NFAT5: variants seen among roughly 807,000 people sequenced by gnomAD.
NFAT5 encodes nuclear factor of activated T cells 5.
In NFAT5, 31 loss-of-function variants were observed where a neutral mutation model predicts 166.5. The ratio of observed to expected loss-of-function variants is 0.19; its 90% confidence interval spans 0.14 to 0.25. NFAT5 has a LOEUF of 0.25. Among genes scored for constraint, NFAT5 ranks in the 10% least tolerant of loss-of-function variants. NFAT5 has a pLI of 1.00. For synonymous variants in NFAT5, 612 were observed against 639.7 expected, an observed-to-expected ratio of 0.96 and a Z score of 0.65; for missense variants, 1,449 against 1,821.8, an observed-to-expected ratio of 0.80 and a Z score of 3.72.
At position 69,693,915 on chromosome 16, in the gene NFAT5, T is replaced by A. The variant is rs1374961274; in HGVS notation, c.4090T>A (p.Ser1364Thr). The A allele has an allele frequency of 6.2e-7, 1 of 1,614,104 alleles. No homozygotes were observed. The highest frequency in any genetic ancestry group is 1.3e-5 in the African/African-American group (1 of 74,938). ...LQNPGPTQSE[S>T]SQTPLFHSSP... ...GAACCCAGGTCCTACCCAGTCGGAA[T>A]CATCACAGACCCCCTTGTTCCATAG... Residue 1364 changes from serine (S) to threonine (T), a missense_variant, in exon 13 of 15, where the codon TCA becomes ACA. Coordinates refer to ENST00000349945, the MANE Select transcript of NFAT5 (RefSeq NM_138713.4).
rs755340650 is a variant in NFAT5, at chr16:69,692,141, G to A, written c.2316G>A (p.Gln772=). Residue 772 remains glutamine (Q), a synonymous_variant, in exon 13 of 15, where the codon CAG becomes CAA. Coordinates refer to ENST00000349945, the MANE Select transcript of NFAT5 (RefSeq NM_138713.4). ...TACAAGAACAAGCACAGACTTTACA[G>A]CAGCAGATTTCATCAAATATTTTTC... The part of the protein sequence containing the change: ...SPLQEQAQTL[Q]QQISSNIFPS... The A allele has an allele frequency of 1.9e-6, 3 of 1,614,164 alleles. No individual in the cohort carries two copies. The highest frequency in any genetic ancestry group is 1.7e-5 in the Admixed American group (1 of 60,022).
At chr16:69,637,813 TC>T (rs1476902719) in intron 3 of NFAT5, among the ~76,000 whole-genome samples, 2 of 152,146 alleles carry the variant, frequency 1.3e-5, no homozygotes, top group African/African-American at 2.4e-5. Flanking sequence ...GATGATGAAA[TC>T]ATAGGAAAGA....
intron 7 of NFAT5, among the ~76,000 whole-genome samples, chr16:69,664,682 G>A (rs1249686448): frequency 6.6e-6 from 1 of 152,090 alleles, no homozygotes; most frequent in Non-Finnish European, 1.5e-5. Flanking sequence ...TAATTTTTAA[G>A]CATTATTCCT....
chr16:69,568,102 C>T (rs1477640682), intron 1 of NFAT5, among the ~76,000 whole-genome samples: 5 of 152,026 alleles, frequency 3.3e-5, no homozygotes, highest in African/African-American at 1.2e-4. Flanking sequence ...CACCTGAGGT[C>T]GGGAGTTTGA....
At position 69,653,286 on chromosome 16, in the gene NFAT5, G is replaced by A. The variant is rs765362536; in HGVS notation, c.863G>A (p.Cys288Tyr). 19 of 1,610,110 alleles carry A rather than the reference G, an allele frequency of 1.2e-5. No individual in the cohort carries two copies. The highest frequency in any genetic ancestry group is 1.5e-5 in the Non-Finnish European group (18 of 1,179,032). The change falls in exon 5 of 15, where the codon TGT (cysteine) becomes TAT (tyrosine). Residue 288 changes from cysteine (C) to tyrosine (Y), a missense_variant. Around this residue, in one of 7 missense-constraint regions of NFAT5, gnomAD observed 115 missense variants for 177.1 expected, o/e 0.65. Coordinates refer to ENST00000349945, the MANE Select transcript of NFAT5 (RefSeq NM_138713.4). The stretch of plus-strand genomic sequence containing the variant: ...GGAGTAAAGAAGAGCCCTATGTTGT[G>A]TGGACAATATCCTGTTAAAAGTGAG... ...GTGVKKSPML[C>Y]GQYPVKSEGK...
In NFAT5 at chr16:69,693,941, C is replaced by A; in HGVS notation, c.4116C>A (p.Ser1372Arg). 1 of 1,614,236 alleles carries A rather than the reference C, an allele frequency of 6.2e-7. No homozygotes were observed. Among genetic ancestry groups the A allele is most frequent in the South Asian group, 1.1e-5 (1 of 91,082 alleles). Residue 1372 changes from serine (S) to arginine (R), a missense_variant, in exon 13 of 15, where the codon AGC becomes AGA. Physicochemically the swap from Ser to Arg is moderately radical, Grantham distance 110 (BLOSUM62 -1). This residue lies in a region of NFAT5 where 891 missense variants were observed against 993.0 expected (regional missense o/e 0.90). Coordinates refer to ENST00000349945, the MANE Select transcript of NFAT5 (RefSeq NM_138713.4). Reference sequence around the variant, plus strand: ...CATCACAGACCCCCTTGTTCCATAGCTCTCCTCAGATTCAGTTGGTACAAG... The same window carrying A: ...CATCACAGACCCCCTTGTTCCATAGATCTCCTCAGATTCAGTTGGTACAAG... ...SESSQTPLFH[S>R]SPQIQLVQGS...
rs532537571 is a variant in NFAT5, at chr16:69,596,621, C to G, written c.127+28073C>G. Among the ~76,000 whole-genome samples the G allele has an allele frequency of 2.1e-4, 32 of 150,824 alleles. No homozygotes were observed. The South Asian group carries it at 6.5e-3, about 31-fold the overall frequency. ...TAATTGCAGCTACTCAGGAGGCTGA[C>G]GCAGGAGAATCGCTTGAACCCGGGA... On this transcript the variant is annotated intron_variant, in intron 2 of 14. Coordinates refer to ENST00000349945, the MANE Select transcript of NFAT5 (RefSeq NM_138713.4).
intron 7 of NFAT5, among the ~76,000 whole-genome samples, chr16:69,663,182 T>G (rs1317776480): frequency 1.3e-5 from 2 of 152,182 alleles, no homozygotes; most frequent in African/African-American, 4.8e-5. Context: ...ATACTTGATC[T>G]TCCTTCTATA....
chr16:69,575,736 C>T (rs905865506), intron 2 of NFAT5, among the ~76,000 whole-genome samples: 1 of 152,140 alleles, frequency 6.6e-6, no homozygotes, highest in Non-Finnish European at 1.5e-5. Context: ...AGAATAAATT[C>T]AGTGTTAGTA....
intron 2 of NFAT5, among the ~76,000 whole-genome samples, chr16:69,579,085 G>A (rs2031495183): frequency 6.6e-6 from 1 of 152,002 alleles, no homozygotes; most frequent in African/African-American, 2.4e-5. Context: ...CATATTGGCC[G>A]GGCTGGTCTG....
chr16:69,661,848 T>A (rs954887182), intron 7 of NFAT5, among the ~76,000 whole-genome samples: 6 of 152,142 alleles, frequency 3.9e-5, no homozygotes, highest in African/African-American at 1.2e-4. Context: ...AGCTTACAGT[T>A]TAGCAGGCTG....
In NFAT5 at chr16:69,699,928, CAA is replaced by C. The variant is rs2037869500; in HGVS notation, c.*3579_*3580del. The C allele has an allele frequency of 6.6e-6, 1 of 151,878 alleles. No individual in the cohort carries two copies. Among genetic ancestry groups the C allele is most frequent in the Non-Finnish European group, 1.5e-5 (1 of 67,988 alleles). The allele number at this position is 151,878 out of a possible 1,614,324, so 9.4% of individuals were successfully genotyped here. ...CACACCAACATGGGTGACGATAATT[CAA>C]AGTCATATTTTGCCTCTAAGCTTGA... On this transcript the variant is annotated 3_prime_UTR_variant, in exon 15 of 15. Transcript: ENST00000349945.
At position 69,694,198 on chromosome 16, in the gene NFAT5, C is replaced by A; in HGVS notation, c.4373C>A (p.Ser1458Tyr). Residue 1458 changes from serine (S) to tyrosine (Y), a missense_variant, in exon 13 of 15, where the codon TCT becomes TAT. Ser to Tyr is a moderately radical substitution (Grantham distance 144). Transcript: ENST00000349945. ...CAACTGCAGAATTCTCCTGGCTCAT[C>A]TCAGCAGACATCAGGAATGTTCTTA... ...MNQLQNSPGSSQQTSGMFLFG... is the reference protein window; with the variant it reads ...MNQLQNSPGSYQQTSGMFLFG... The A allele has an allele frequency of 6.2e-7, 1 of 1,614,064 alleles. No individual in the cohort carries two copies. The highest frequency in any genetic ancestry group is 8.5e-7 in the Non-Finnish European group (1 of 1,180,004).
chr16:69,678,091 CA>C (rs2036905112), intron 10 of NFAT5, among the ~76,000 whole-genome samples: 1 of 151,566 alleles, frequency 6.6e-6, no homozygotes, highest in Admixed American at 6.6e-5. Flanking sequence ...CTGGGAGGTA[CA>C]GGTTGCAGTG....
chr16:69,703,605 A>G lies in NFAT5; in HGVS notation c.*7254A>G, dbSNP rs553009384. 2.0e-5 allele frequency: 3 copies of G among 152,780 alleles called. No individual in the cohort carries two copies. The highest frequency in any genetic ancestry group is 7.2e-5 in the African/African-American group (3 of 41,588). The allele number at this position is 152,780 out of a possible 1,614,324, so 9.5% of individuals were successfully genotyped here. On this transcript the variant is annotated 3_prime_UTR_variant, in exon 15 of 15. Transcript: ENST00000349945. ...CACATATCAGAATAAAAATAAATGT[A>G]TACTCACTTTATAAAAATCACCACT...
chr16:69,572,340 A>G (rs72801310), intron 2 of NFAT5, among the ~76,000 whole-genome samples: 5,571 of 152,288 alleles, frequency 0.037, 142 homozygotes, highest in Non-Finnish European at 0.054. Flanking sequence ...ATTATATTCA[A>G]AGTAACTTGT....
At chr16:69,649,089 TA>T in intron 4 of NFAT5, 1 of 869,134 alleles carries the variant, frequency 1.2e-6, no homozygotes, top group Non-Finnish European at 1.4e-6. Flanking sequence ...TGCCATTTAA[TA>T]AAATCAAGAA....
At chr16:69,571,533 T>C (rs2016436540) in intron 2 of NFAT5, among the ~76,000 whole-genome samples, 1 of 152,110 alleles carries the variant, frequency 6.6e-6, no homozygotes, top group African/African-American at 2.4e-5. Context: ...TGGTATATAC[T>C]ATCAAGTTCT....
intron 2 of NFAT5, among the ~76,000 whole-genome samples, chr16:69,616,940 C>CTT (rs61025944): frequency 1.8e-4 from 24 of 129,944 alleles, no homozygotes; most frequent in African/African-American, 2.6e-4. Flanking sequence ...GTCCAAAGTT[C>CTT]TTTTTTTTTT....
Sources: allele counts gnomAD v4.1 joint callset (sites outside exome capture counted in the v4.1 genomes callset), GRCh38; gene constraint gnomAD v4.1.1; regional missense constraint gnomAD v4.1.1; transcripts MANE v1.5; gene names NCBI Gene and HGNC (gene_info 2026-07-23, HGNC 2026-07-21).